The following RAB27B variants were observed in gnomAD, a reference collection of about 807,000 sequenced individuals.
The protein encoded by RAB27B is ras-related protein Rab-27B.
RAB27B carries 15 observed loss-of-function variants against 24.6 expected under a neutral mutation model. That is an observed-to-expected ratio of 0.61 (90% CI 0.41 to 0.94). The LOEUF (loss-of-function observed/expected upper bound fraction) is 0.94. RAB27B is among the 40% of genes least tolerant of loss of function. The pLI, the probability that RAB27B is intolerant of heterozygous loss-of-function variation, is 0.00. For synonymous variants in RAB27B, 105 were observed against 92.5 expected (o/e 1.14, Z -0.78); for missense variants, 261 against 266.8 (o/e 0.98, Z 0.15).
intron 2 of RAB27B, among the ~76,000 whole-genome samples, chr18:54,728,875 C>CA (rs56161105): frequency 0.71 from 25,899 of 36,708 alleles, 9,789 homozygotes; most frequent in Non-Finnish European, 0.74. Context: ...GACTCTGTCT[C>CA]AAAAAAAAAA....
chr18:54,839,570 A>T (rs1232493647), intron 1 of RAB27B, among the ~76,000 whole-genome samples: 2 of 152,196 alleles, frequency 1.3e-5, no homozygotes, highest in Non-Finnish European at 2.9e-5. Context: ...TCCAAACCAC[A>T]GGGTCCCAAG....
chr18:54,797,014 G>A (rs1039689740), intron 2 of RAB27B, among the ~76,000 whole-genome samples: 4 of 152,220 alleles, frequency 2.6e-5, no homozygotes, highest in African/African-American at 9.6e-5. Flanking sequence ...AAACAGAGAT[G>A]CAGACTTTTA....
intron 2 of RAB27B, among the ~76,000 whole-genome samples, chr18:54,720,024 A>G (rs893231425): frequency 6.6e-6 from 1 of 152,112 alleles, no homozygotes; most frequent in Non-Finnish European, 1.5e-5. Flanking sequence ...TCAGAATTTG[A>G]CAGACACACT....
intron 1 of RAB27B, among the ~76,000 whole-genome samples, chr18:54,860,294 G>A (rs149317397): frequency 3.4e-4 from 52 of 152,234 alleles, no homozygotes; most frequent in Non-Finnish European, 6.3e-4. Context: ...GGATTCCAAT[G>A]CCTGCCTCTT....
At chr18:54,744,594 G>A (rs7239036) in intron 2 of RAB27B, among the ~76,000 whole-genome samples, 4,169 of 152,258 alleles carry the variant, frequency 0.027, 78 homozygotes, top group Non-Finnish European at 0.041. Context: ...CGTATACATT[G>A]TATACATGTA....
intron 2 of RAB27B, among the ~76,000 whole-genome samples, chr18:54,810,192 G>A (rs1909918947): frequency 6.6e-6 from 1 of 152,108 alleles, no homozygotes; most frequent in Non-Finnish European, 1.5e-5. Flanking sequence ...GGGTATTTAT[G>A]CCTACTTTTG....
intron 2 of RAB27B, among the ~76,000 whole-genome samples, chr18:54,779,524 AC>A (rs1221883940): frequency 6.6e-6 from 1 of 152,196 alleles, no homozygotes; most frequent in Non-Finnish European, 1.5e-5. Flanking sequence ...GCCTCATGTT[AC>A]TAGGACATGA....
intron 1 of RAB27B, among the ~76,000 whole-genome samples, chr18:54,839,357 A>G (rs1911019437): frequency 6.6e-6 from 1 of 152,226 alleles, no homozygotes; most frequent in African/African-American, 2.4e-5. Context: ...AAGTTTTTAC[A>G]TATAACTTGC....
intron 2 of RAB27B, among the ~76,000 whole-genome samples, chr18:54,803,069 T>A (rs1909660425): frequency 6.6e-6 from 1 of 152,208 alleles, no homozygotes; most frequent in African/African-American, 2.4e-5. Flanking sequence ...AGAAATACAA[T>A]ATTTCTTTCC....
intron 2 of RAB27B, among the ~76,000 whole-genome samples, chr18:54,806,692 A>G (rs960145069): frequency 8.6e-5 from 13 of 151,550 alleles, no homozygotes; most frequent in African/African-American, 3.1e-4. Context: ...GTTAGTTACT[A>G]TCAAGCTGAG....
chr18:54,722,210 T>A (rs898368156), intron 2 of RAB27B, among the ~76,000 whole-genome samples: 1 of 152,166 alleles, frequency 6.6e-6, no homozygotes, highest in Non-Finnish European at 1.5e-5. Flanking sequence ...TTCTTTAAAT[T>A]TTTTGGGTGA....
intron 1 of RAB27B, among the ~76,000 whole-genome samples, chr18:54,858,304 A>G (rs1911863863): frequency 1.3e-5 from 2 of 151,912 alleles, no homozygotes; most frequent in Admixed American, 1.3e-4. Flanking sequence ...GTAAGCATTT[A>G]GTTTTCATAA....
intron 1 of RAB27B, among the ~76,000 whole-genome samples, chr18:54,869,393 T>C (rs1421880954): frequency 6.6e-6 from 1 of 152,238 alleles, no homozygotes; most frequent in Non-Finnish European, 1.5e-5. Flanking sequence ...CCAACACTGA[T>C]TATAAAACAT....
intron 1 of RAB27B, among the ~76,000 whole-genome samples, chr18:54,844,375 CTT>C (rs1484553361): frequency 4.8e-5 from 7 of 145,058 alleles, no homozygotes; most frequent in Non-Finnish European, 9.0e-5. Flanking sequence ...ACTTTTATCT[CTT>C]CTTTCTTTCT....
rs140739161 is a variant in RAB27B at position 54,804,539 on chromosome 18, C to T, written c.-19-73028C>T. Among the ~76,000 whole-genome samples the T allele has an allele frequency of 1.4e-4, 21 of 151,952 alleles. No individual in the cohort carries two copies. The East Asian group carries it at 1.9e-3, about 14-fold the overall frequency. On this transcript the variant is annotated intron_variant, in intron 2 of 4. Transcript: ENST00000586570. Reference sequence around the variant, plus strand: ...TTAAACCTCTTTTTCTTGCCATGCTCGGGTGTATCTTTATCAGCAGTGTGA... The same window carrying T: ...TTAAACCTCTTTTTCTTGCCATGCTTGGGTGTATCTTTATCAGCAGTGTGA...
chr18:54,810,184 G>A (rs1042247158), intron 2 of RAB27B, among the ~76,000 whole-genome samples: 2 of 152,080 alleles, frequency 1.3e-5, no homozygotes, highest in Non-Finnish European at 2.9e-5. Flanking sequence ...CCTTTAAAGG[G>A]TATTTATGCC....
chr18:54,817,933 T>C (rs1910169726), intron 2 of RAB27B, among the ~76,000 whole-genome samples: 1 of 152,124 alleles, frequency 6.6e-6, no homozygotes, highest in Non-Finnish European at 1.5e-5. Context: ...TCCTTTCATC[T>C]GTAGGAAGGG....
intron 2 of RAB27B, among the ~76,000 whole-genome samples, chr18:54,736,725 C>A (rs565324959): frequency 5.2e-4 from 79 of 152,068 alleles, no homozygotes; most frequent in African/African-American, 1.9e-3. Context: ...ATTTTCTAGG[C>A]TAAGGGGGGT....
intron 2 of RAB27B, among the ~76,000 whole-genome samples, chr18:54,809,235 G>A (rs1020634927): frequency 4.6e-5 from 7 of 152,108 alleles, no homozygotes; most frequent in Admixed American, 4.6e-4. Flanking sequence ...TCTGAACAGT[G>A]GTACGTGACT....
Sources: allele counts gnomAD v4.1 joint callset (sites outside exome capture counted in the v4.1 genomes callset), GRCh38; gene constraint gnomAD v4.1.1; transcripts MANE v1.5; gene names NCBI Gene and HGNC (gene_info 2026-07-23, HGNC 2026-07-21).